TMTC1: variants seen among roughly 807,000 people sequenced by gnomAD.
The protein encoded by TMTC1 is protein O-mannosyl-transferase TMTC1.
Under a neutral mutation model 104.8 loss-of-function variants are expected in TMTC1, and 73 were observed. The ratio of observed to expected loss-of-function variants is 0.70; its 90% CI spans 0.58 to 0.85. The LOEUF (loss-of-function observed/expected upper bound fraction) is 0.85. TMTC1 is among the 40% of genes least tolerant of loss of function. The probability of loss-of-function intolerance (pLI) is 0.00; values close to 1 mark genes in which losing one functional copy is unlikely to be tolerated. For synonymous variants in TMTC1, 434 were observed against 428.7 expected (o/e 1.01, Z -0.15); for missense variants, 1,035 against 1,096.1 (o/e 0.94, Z 0.79).
At chr12:29,711,153 T>C (rs906910579) in intron 5 of TMTC1, among the ~76,000 whole-genome samples, 1 of 151,388 alleles carries the variant, frequency 6.6e-6, no homozygotes, top group African/African-American at 2.4e-5. Flanking sequence ...TGGGTATTTA[T>C]TATTTTTGTA....
chr12:29,607,721 G>A (rs1946740008), intron 6 of TMTC1, among the ~76,000 whole-genome samples: 2 of 152,140 alleles, frequency 1.3e-5, no homozygotes, highest in South Asian at 2.1e-4. Flanking sequence ...CCCTGCCACC[G>A]ATACACCATT....
chr12:29,707,010 C>T lies in TMTC1; in HGVS notation c.938+44656G>A, dbSNP rs539082399. On this transcript the variant is annotated intron_variant, in intron 5 of 17. Transcript: ENST00000539277. ...CAGAAGAAAGTTAACAGTGTTCCAA[C>T]CCTGAAGAACAGAATGGGTCTGGCC... Among the ~76,000 whole-genome samples, 3 of 152,302 alleles carry T rather than the reference C, an allele frequency of 2.0e-5. No individual in the cohort carries two copies. In the East Asian group the frequency reaches 5.8e-4, roughly 29 times the overall value.
At chr12:29,650,288 T>C (rs1200986086) in intron 5 of TMTC1, among the ~76,000 whole-genome samples, 2 of 152,068 alleles carry the variant, frequency 1.3e-5, no homozygotes, top group Non-Finnish European at 2.9e-5. Context: ...TTTCACCATG[T>C]TAGCCAGGCT....
chr12:29,751,743 G>C lies in TMTC1; in HGVS notation c.861C>G (p.Gly287=). 6.2e-7 allele frequency: 1 copy of C among 1,614,104 alleles called. No individual in the cohort carries two copies. The highest frequency in any genetic ancestry group is 8.5e-7 in the Non-Finnish European group (1 of 1,180,036). Residue 287 remains glycine (G), a synonymous_variant, in exon 5 of 18, where the codon GGC becomes GGG. Coordinates refer to ENST00000539277, the MANE Select transcript of TMTC1 (RefSeq NM_001193451.2). Reference sequence around the variant, plus strand: ...GTTCTGGTGGCAGTGGAGAGTGGCAGCCACCCCAAGCTCCTTTGTGAGGGA... The same window carrying C: ...GTTCTGGTGGCAGTGGAGAGTGGCACCCACCCCAAGCTCCTTTGTGAGGGA... ...QRFPHKGAWG[G]CHSPLPPEPK...
Position 29,696,968 on chromosome 12 carries a change from AT to A in TMTC1, c.938+54697del, listed in dbSNP as rs569197473. On this transcript the variant is annotated intron_variant, in intron 5 of 17. Coordinates refer to ENST00000539277, the MANE Select transcript of TMTC1 (RefSeq NM_001193451.2). ...AATATTTTGAAAACCAGGAAAGTCTATAAAAGTATACTTTAAGTTTACGTGT... is the reference window on the plus strand; with the variant it reads ...AATATTTTGAAAACCAGGAAAGTCTAAAAAGTATACTTTAAGTTTACGTGT... Among the ~76,000 whole-genome samples, 17 of 152,364 alleles carry A rather than the reference AT, an allele frequency of 1.1e-4. No homozygotes were observed. In the South Asian group the frequency reaches 3.5e-3, roughly 32 times the overall value.
intron 1 of TMTC1, among the ~76,000 whole-genome samples, chr12:29,774,738 G>C (rs933613810): frequency 3.3e-5 from 5 of 152,038 alleles, no homozygotes; most frequent in African/African-American, 1.2e-4. Context: ...AAATCCCTTT[G>C]GCCCTCAATC....
chr12:29,680,126 G>A (rs11050366), intron 5 of TMTC1, among the ~76,000 whole-genome samples: 21,046 of 152,124 alleles, frequency 0.14, 1,744 homozygotes, highest in East Asian at 0.34. Context: ...AGAGTTTTCA[G>A]TGGCAGCAAG....
chr12:29,555,298 C>T (rs191876671), intron 10 of TMTC1, among the ~76,000 whole-genome samples: 10 of 151,426 alleles, frequency 6.6e-5, no homozygotes, highest in Middle Eastern at 3.4e-3. Flanking sequence ...TCACCAGGCC[C>T]GGTAATTTTT....
At chr12:29,531,614 T>C (rs1469633943) in intron 11 of TMTC1, among the ~76,000 whole-genome samples, 2 of 152,146 alleles carry the variant, frequency 1.3e-5, no homozygotes, top group Non-Finnish European at 2.9e-5. Flanking sequence ...TTATAAATAT[T>C]TACTACCCTA....
chr12:29,539,414 A>T (rs914352182), intron 10 of TMTC1, among the ~76,000 whole-genome samples: 1 of 152,168 alleles, frequency 6.6e-6, no homozygotes, highest in Non-Finnish European at 1.5e-5. Context: ...TAGTTCCCTC[A>T]TTCTTCTCCT....
At chr12:29,669,947 C>G (rs1201567654) in intron 5 of TMTC1, among the ~76,000 whole-genome samples, 1 of 152,302 alleles carries the variant, frequency 6.6e-6, no homozygotes, top group East Asian at 1.9e-4. Context: ...AGGATTGAGT[C>G]TCCTGATGGC....
At chr12:29,604,524 A>G (rs910784771) in intron 6 of TMTC1, among the ~76,000 whole-genome samples, 2 of 152,162 alleles carry the variant, frequency 1.3e-5, no homozygotes, top group African/African-American at 4.8e-5. Context: ...TGCCACCCAG[A>G]AACATGGATA....
intron 7 of TMTC1, among the ~76,000 whole-genome samples, chr12:29,592,330 T>C (rs1565694025): frequency 6.6e-6 from 1 of 152,202 alleles, no homozygotes; most frequent in Middle Eastern, 3.2e-3. Context: ...GAAGAATGAA[T>C]ATATTTGGAA....
intron 6 of TMTC1, among the ~76,000 whole-genome samples, chr12:29,627,142 A>C (rs563021511): frequency 3.0e-4 from 46 of 152,304 alleles, no homozygotes; most frequent in African/African-American, 1.1e-3. Flanking sequence ...TTTGTGCATC[A>C]AAGGACATTA....
intron 8 of TMTC1, among the ~76,000 whole-genome samples, chr12:29,577,541 A>G (rs1196290615): frequency 6.6e-6 from 1 of 152,144 alleles, no homozygotes; most frequent in Non-Finnish European, 1.5e-5. Context: ...CGCACAACAC[A>G]GAATAGGAGG....
rs187678301 is a variant in TMTC1 at position 29,637,553 on chromosome 12, C to T, written c.939-4217G>A. On this transcript the variant is annotated intron_variant, in intron 5 of 17. Transcript: ENST00000539277. ...GAAAAGAGTAAAGAGGTTTCATGGC[C>T]GAAAAACATGAAAGGGAAAGGCAAG... Among the ~76,000 whole-genome samples, 27 of 152,008 alleles carry T rather than the reference C, an allele frequency of 1.8e-4. No homozygotes were observed. The East Asian group carries it at 4.6e-3, about 26-fold the overall frequency.
intron 5 of TMTC1, among the ~76,000 whole-genome samples, chr12:29,669,859 T>C (rs1204743955): frequency 6.6e-6 from 1 of 152,240 alleles, no homozygotes; most frequent in African/African-American, 2.4e-5. Flanking sequence ...CTTTGAGATA[T>C]ATTCATGAAG....
At chr12:29,705,239 C>T (rs1941707977) in intron 5 of TMTC1, among the ~76,000 whole-genome samples, 1 of 152,144 alleles carries the variant, frequency 6.6e-6, no homozygotes, top group South Asian at 2.1e-4. Context: ...GCACAGGTGG[C>T]CCATCGGTCA....
intron 5 of TMTC1, among the ~76,000 whole-genome samples, chr12:29,669,456 C>A (rs1940419436): frequency 6.6e-6 from 1 of 152,068 alleles, no homozygotes; most frequent in African/African-American, 2.4e-5. Flanking sequence ...TGGTAGAGTG[C>A]CCACTCTGAA....
Sources: allele counts gnomAD v4.1 joint callset (sites outside exome capture counted in the v4.1 genomes callset), GRCh38; gene constraint gnomAD v4.1.1; transcripts MANE v1.5; gene names NCBI Gene and HGNC (gene_info 2026-07-23, HGNC 2026-07-21).